ATRX: variants seen among roughly 807,000 people sequenced by gnomAD.
ATRX encodes chromatin remodeler ATRX.
A neutral mutation model predicts 172.6 loss-of-function variants in ATRX; 12 were observed. The ratio of observed to expected loss-of-function variants is 0.07; its 90% CI spans 0.04 to 0.11. The LOEUF (loss-of-function observed/expected upper bound fraction) is 0.11. ATRX is among the 10% of genes least tolerant of loss of function. The pLI, the probability that ATRX is intolerant of heterozygous loss-of-function variation, is 1.00. For synonymous variants in ATRX, 674 were observed against 594.7 expected, an observed-to-expected ratio of 1.13 and a Z score of -1.94; for missense variants, 1,368 against 1,767.4, an observed-to-expected ratio of 0.77 and a Z score of 4.05.
intron 12 of ATRX, among the ~76,000 whole-genome samples, chrX:77,661,086 C>G (rs1261242986): frequency 8.9e-6 from 1 of 111,983 alleles, no homozygotes; most frequent in Non-Finnish European, 1.9e-5. Context: ...TGATTAAAAT[C>G]TTTCAATAGG....
intron 28 of ATRX, among the ~76,000 whole-genome samples, chrX:77,566,133 T>C (rs1383254931): frequency 1.8e-5 from 2 of 111,640 alleles, no homozygotes. Context: ...TACCAAAATG[T>C]ATTAAGAAAC....
chrX:77,623,837 C>T (rs1052220096), intron 19 of ATRX, among the ~76,000 whole-genome samples: 7 of 111,566 alleles, frequency 6.3e-5, no homozygotes, highest in Admixed American at 9.5e-5. Flanking sequence ...AAAAAGCATT[C>T]GACAAAATCC....
intron 9 of ATRX, among the ~76,000 whole-genome samples, chrX:77,681,102 G>C (rs1490289165): frequency 1.8e-5 from 2 of 111,388 alleles, no homozygotes; most frequent in Non-Finnish European, 3.8e-5. Flanking sequence ...AAAGTTATCT[G>C]TTCAAACTTA....
At chrX:77,773,092 T>TAAAAAAAAA (rs782649057) in intron 1 of ATRX, among the ~76,000 whole-genome samples, 2 of 37,357 alleles carry the variant, frequency 5.4e-5, no homozygotes, top group African/African-American at 1.2e-4. Flanking sequence ...AAATTTCAGC[T>TAAAAAAAAA]AAAAAAAAAA....
Position 77,748,598 on chromosome X carries a change from T to A in ATRX, c.21-31355A>T, listed in dbSNP as rs781959231. 1.2e-4 allele frequency among the ~76,000 whole-genome samples: 13 copies of A among 110,951 alleles called. No homozygotes were observed. In the East Asian group the frequency reaches 1.4e-3, roughly 12 times the overall value. ...GTTTTTTATTTTTATTTTTATTTTT[T>A]TTTTTGGAGATGGAGTCTCGCTCTG... On this transcript the variant is annotated intron_variant, in intron 1 of 34. Transcript: ENST00000373344.
At chrX:77,671,165 AAAATAT>A (rs1328914628) in intron 10 of ATRX, among the ~76,000 whole-genome samples, 3 of 24,701 alleles carry the variant, frequency 1.2e-4, no homozygotes, top group Admixed American at 6.7e-4. Context: ...AAAAAAAAAA[AAAATAT>A]ATATATATAT....
chrX:77,660,985 A>G (rs910004771), intron 12 of ATRX, among the ~76,000 whole-genome samples: 3 of 111,838 alleles, frequency 2.7e-5, no homozygotes, highest in Non-Finnish European at 5.6e-5. Context: ...CAACAACCCC[A>G]TTTGTCATCA....
chrX:77,762,907 A>C (rs1738971841), intron 1 of ATRX, among the ~76,000 whole-genome samples: 2 of 110,962 alleles, frequency 1.8e-5, no homozygotes, highest in African/African-American at 6.5e-5. Context: ...GCACCAGAAG[A>C]AAAAAAATCA....
chrX:77,622,096 A>T (rs1253980198), intron 19 of ATRX, among the ~76,000 whole-genome samples: 1 of 111,767 alleles, frequency 8.9e-6, no homozygotes, highest in African/African-American at 3.3e-5. Flanking sequence ...TTTGGAAGTC[A>T]ATTTTACAAT....
intron 1 of ATRX, among the ~76,000 whole-genome samples, chrX:77,730,818 G>A (rs1312692631): frequency 3.6e-5 from 4 of 110,367 alleles, no homozygotes; most frequent in African/African-American, 1.3e-4. Flanking sequence ...AAAACCTATG[G>A]GATACAGCAA....
intron 22 of ATRX, among the ~76,000 whole-genome samples, chrX:77,608,313 G>C (rs1454601561): frequency 9.6e-6 from 1 of 104,011 alleles, no homozygotes; most frequent in Admixed American, 1.1e-4. Context: ...AGCTTGCAGT[G>C]AGCCGAGATT....
chrX:77,568,247 T>C (rs2065275732), intron 28 of ATRX, among the ~76,000 whole-genome samples: 1 of 109,866 alleles, frequency 9.1e-6, no homozygotes, highest in Non-Finnish European at 1.9e-5. Flanking sequence ...CTAGCAAGAC[T>C]AGTAAAAAGA....
At chrX:77,767,264 AGGGAGAGG>A (rs1416838651) in intron 1 of ATRX, among the ~76,000 whole-genome samples, 4 of 105,056 alleles carry the variant, frequency 3.8e-5, no homozygotes, top group East Asian at 3.0e-4. Context: ...AGAGGGAGAG[AGGGAGAGG>A]GGGAGAGGGG....
At chrX:77,697,701 T>TAGGGAAATAGCTAA in intron 3 of ATRX, 66 bp from the exon 4 acceptor site, 1 of 990,275 alleles carries the variant, frequency 1.0e-6, no homozygotes, top group Non-Finnish European at 1.4e-6. Context: ...CAATTAGCTA[T>TAGGGAAATAGCTAA]TTCCCTATAG....
chrX:77,688,735 T>C (rs1444905700), intron 7 of ATRX, 83 bp downstream of exon 7: 8 of 797,128 alleles, frequency 1.0e-5, no homozygotes, highest in African/African-American at 2.0e-5. Context: ...TTCATCTTTC[T>C]TCAAGACTGT....
intron 1 of ATRX, among the ~76,000 whole-genome samples, chrX:77,756,915 A>G (rs1420845031): frequency 9.1e-6 from 1 of 109,569 alleles, no homozygotes; most frequent in Non-Finnish European, 1.9e-5. Context: ...CCTCCCAAGT[A>G]GCTGGGATTA....
chrX:77,641,607 C>G (rs1475181519), intron 15 of ATRX, among the ~76,000 whole-genome samples: 10 of 105,228 alleles, frequency 9.5e-5, no homozygotes, highest in Non-Finnish European at 1.9e-4. Context: ...AAAAAATGCC[C>G]AAACACTGAA....
intron 30 of ATRX, among the ~76,000 whole-genome samples, chrX:77,544,437 T>TAAC (rs1557052325): frequency 1.8e-5 from 2 of 110,966 alleles, no homozygotes; most frequent in Non-Finnish European, 3.8e-5. Flanking sequence ...ATTATTATAC[T>TAAC]TTAAGTTTTA....
chrX:77,557,991 G>A (rs2064862092), intron 29 of ATRX, among the ~76,000 whole-genome samples: 1 of 111,311 alleles, frequency 9.0e-6, no homozygotes, highest in South Asian at 3.7e-4. Context: ...AAAACATTTA[G>A]GTAAATATTG....
Sources: gnomAD v4.1 joint callset for allele counts (sites outside exome capture counted in the v4.1 genomes callset) on GRCh38, gnomAD v4.1.1 for gene constraint, MANE v1.5 for transcripts, NCBI Gene and HGNC (gene_info 2026-07-23, HGNC 2026-07-21) for gene names.